LRP1B: variants seen among roughly 807,000 people sequenced by gnomAD.
The protein encoded by LRP1B is low-density lipoprotein receptor-related protein 1B.
LRP1B carries 217 observed loss-of-function variants against 556.6 expected under a neutral mutation model. The ratio of observed to expected loss-of-function variants is 0.39; its 90% CI spans 0.35 to 0.44. The LOEUF (loss-of-function observed/expected upper bound fraction) is 0.44, where lower values mean the gene tolerates loss of function less well. Ranked by LOEUF, LRP1B falls within the 20% of genes least tolerant of loss-of-function variation. The pLI, the probability that LRP1B is intolerant of heterozygous loss-of-function variation, is 1.00. For missense variants in LRP1B, 5,053 were observed against 5,620.8 expected (o/e 0.90, Z 3.23); for synonymous variants, 2,047 against 1,865.8 (o/e 1.10, Z -2.50).
chr2:141,114,266 C>G (rs904025119), intron 7 of LRP1B, among the ~76,000 whole-genome samples: 1 of 152,206 alleles, frequency 6.6e-6, no homozygotes, highest in Non-Finnish European at 1.5e-5. Flanking sequence ...CCTCCGTGGA[C>G]AGCTAAGTGT....
At chr2:140,834,006 T>C (rs1691810905) in intron 31 of LRP1B, among the ~76,000 whole-genome samples, 1 of 152,232 alleles carries the variant, frequency 6.6e-6, no homozygotes, top group Admixed American at 6.5e-5. Context: ...TTGCCGATAC[T>C]ATTGTTTATT....
intron 1 of LRP1B, among the ~76,000 whole-genome samples, chr2:142,047,082 G>A (rs1475174517): frequency 6.6e-6 from 1 of 152,002 alleles, no homozygotes; most frequent in African/African-American, 2.4e-5. Context: ...AGCTTTGTAT[G>A]GAGATGGATC....
At chr2:140,760,245 G>T (rs1051104109) in intron 35 of LRP1B, among the ~76,000 whole-genome samples, 2 of 152,110 alleles carry the variant, frequency 1.3e-5, no homozygotes, top group Non-Finnish European at 2.9e-5. Flanking sequence ...CCTGCTATAG[G>T]TTTCTTGACC....
At chr2:140,409,941 C>A (rs1684901246) in intron 66 of LRP1B, among the ~76,000 whole-genome samples, 1 of 151,982 alleles carries the variant, frequency 6.6e-6, no homozygotes, top group South Asian at 2.1e-4. Flanking sequence ...TAAGAGATGA[C>A]TAAAATTGTA....
At chr2:140,900,077 G>C (rs1423966272) in intron 23 of LRP1B, among the ~76,000 whole-genome samples, 1 of 152,082 alleles carries the variant, frequency 6.6e-6, no homozygotes, top group Non-Finnish European at 1.5e-5. Context: ...CCTTATTATG[G>C]GGAGGAAAGG....
At chr2:141,555,035 G>A (rs1306112018) in intron 2 of LRP1B, among the ~76,000 whole-genome samples, 1 of 151,958 alleles carries the variant, frequency 6.6e-6, no homozygotes, top group Non-Finnish European at 1.5e-5. Flanking sequence ...AAGACATAAA[G>A]TCCCAAAGGG....
At chr2:140,721,168 G>A (rs1003999747) in intron 35 of LRP1B, among the ~76,000 whole-genome samples, 1 of 152,072 alleles carries the variant, frequency 6.6e-6, no homozygotes, top group African/African-American at 2.4e-5. Flanking sequence ...TGCACATAAA[G>A]GGAATACAAT....
At chr2:141,982,916 T>C (rs1341498963) in intron 1 of LRP1B, among the ~76,000 whole-genome samples, 2 of 152,240 alleles carry the variant, frequency 1.3e-5, no homozygotes, top group Non-Finnish European at 2.9e-5. Context: ...CATTTGCATT[T>C]CTGTCACATT....
chr2:141,255,873 C>T (rs1277533675), intron 3 of LRP1B, among the ~76,000 whole-genome samples: 1 of 151,898 alleles, frequency 6.6e-6, no homozygotes, highest in East Asian at 1.9e-4. Flanking sequence ...GATATCACTT[C>T]AGCAGTGCTA....
intron 41 of LRP1B, among the ~76,000 whole-genome samples, chr2:140,662,163 T>C (rs993326375): frequency 6.6e-6 from 1 of 151,932 alleles, no homozygotes; most frequent in Non-Finnish European, 1.5e-5. Flanking sequence ...CATTATATAT[T>C]ACTACATATA....
At chr2:140,744,311 T>C (rs985733140) in intron 35 of LRP1B, among the ~76,000 whole-genome samples, 11 of 152,158 alleles carry the variant, frequency 7.2e-5, no homozygotes, top group African/African-American at 2.7e-4. Flanking sequence ...GAGAAAATAA[T>C]GGCAGAACAA....
At chr2:140,995,241 T>C (rs746839378) in intron 15 of LRP1B, among the ~76,000 whole-genome samples, 1 of 152,066 alleles carries the variant, frequency 6.6e-6, no homozygotes, top group Non-Finnish European at 1.5e-5. Context: ...CAAAACAACA[T>C]GCAACATTTC....
intron 2 of LRP1B, among the ~76,000 whole-genome samples, chr2:141,726,574 T>C (rs1391072483): frequency 6.6e-6 from 1 of 152,010 alleles, no homozygotes; most frequent in Non-Finnish European, 1.5e-5. Flanking sequence ...AGAGCAAGAC[T>C]GGAAATTACT....
At chr2:140,579,515 A>C (rs903403968) in intron 43 of LRP1B, among the ~76,000 whole-genome samples, 1 of 152,166 alleles carries the variant, frequency 6.6e-6, no homozygotes, top group Non-Finnish European at 1.5e-5. Context: ...CCTGGGCTTT[A>C]TCTTGCCCTT....
At chr2:140,518,940 G>A (rs574091267) in intron 49 of LRP1B, among the ~76,000 whole-genome samples, 1 of 151,554 alleles carries the variant, frequency 6.6e-6, no homozygotes, top group East Asian at 1.9e-4. Flanking sequence ...TTGCCTGATT[G>A]CCCTGGCCAG....
intron 2 of LRP1B, among the ~76,000 whole-genome samples, chr2:141,785,329 G>A (rs1236118845): frequency 6.6e-6 from 1 of 151,924 alleles, no homozygotes; most frequent in Non-Finnish European, 1.5e-5. Flanking sequence ...CAGTCTCAGA[G>A]TTTATCTGTT....
At chr2:141,278,448 C>A (rs1169375177) in intron 3 of LRP1B, among the ~76,000 whole-genome samples, 1 of 152,118 alleles carries the variant, frequency 6.6e-6, no homozygotes, top group East Asian at 1.9e-4. Flanking sequence ...GAAACCTGTT[C>A]ACTTTGGCCT....
intron 2 of LRP1B, among the ~76,000 whole-genome samples, chr2:141,519,571 T>A (rs1399973985): frequency 6.6e-6 from 1 of 151,902 alleles, no homozygotes; most frequent in African/African-American, 2.4e-5. Context: ...AGAATTCAAT[T>A]ATATTTCACT....
intron 87 of LRP1B, among the ~76,000 whole-genome samples, chr2:140,246,354 A>G (rs965790409): frequency 2.6e-5 from 4 of 151,410 alleles, no homozygotes; most frequent in African/African-American, 9.7e-5. Flanking sequence ...TTTTTCACTC[A>G]TGGTCAAATT....
Sources: allele counts gnomAD v4.1 joint callset (sites outside exome capture counted in the v4.1 genomes callset), GRCh38; gene constraint gnomAD v4.1.1; transcripts MANE v1.5; gene names NCBI Gene and HGNC (gene_info 2026-07-23, HGNC 2026-07-21).